The following SHANK2 variants were observed in gnomAD, a reference collection of about 807,000 sequenced individuals.
The protein encoded by SHANK2 is SH3 and multiple ankyrin repeat domains 2.
SHANK2 carries 43 observed loss-of-function variants against 133.7 expected under a neutral mutation model. The observed-to-expected ratio is 0.32, with a 90% confidence interval of 0.25 to 0.41. SHANK2 has a LOEUF of 0.41. SHANK2 is among the 10% of genes least tolerant of loss of function. The pLI is 1.00. For missense variants in SHANK2, 1,994 were observed against 2,235.8 expected (o/e 0.89, Z 2.18); for synonymous variants, 1,017 against 952.8 (o/e 1.07, Z -1.24).
chr11:70,675,352 A>G (rs1555016972), intron 15 of SHANK2, among the ~76,000 whole-genome samples: 3 of 152,196 alleles, frequency 2.0e-5, no homozygotes, highest in South Asian at 4.2e-4. Context: ...GAATCCTCAT[A>G]ATGACCGTAT....
intron 17 of SHANK2, among the ~76,000 whole-genome samples, chr11:70,550,309 C>T (rs1297593004): frequency 1.3e-5 from 2 of 152,130 alleles, no homozygotes; most frequent in Non-Finnish European, 2.9e-5. Flanking sequence ...CAGAGGAGAC[C>T]CTCCCTACCT....
chr11:70,877,254 C>T (rs1555071521), intron 11 of SHANK2, among the ~76,000 whole-genome samples: 1 of 152,210 alleles, frequency 6.6e-6, no homozygotes, highest in Non-Finnish European at 1.5e-5. Context: ...GTTCCGAGGG[C>T]CCCAGCCAGG....
intron 11 of SHANK2, chr11:70,872,878 A>C (rs1949492697): frequency 2.6e-6 from 1 of 388,174 alleles, no homozygotes; most frequent in African/African-American, 2.1e-5. Flanking sequence ...AAGGGACCCC[A>C]CGATGCCCTG....
rs76471201 is a variant in SHANK2 at position 70,948,275 on chromosome 11, G to A, written c.1108-51708C>T. The A allele has an allele frequency of 5.4e-3, 2,489 of 457,086 alleles. 46 individuals carry two copies. The highest frequency in any genetic ancestry group is 0.043 in the African/African-American group (2,135 of 50,162). The allele number at this position is 457,086 out of a possible 1,614,324, so 28.3% of individuals were successfully genotyped here. A position where few individuals can be genotyped will look rare whatever the true frequency, so the allele number is the denominator to read the frequency against. ...ATTTACCAACCCCGACATGTTGCAC[G>A]TTTCTCTGCTTACTTGTTAATTATC... On this transcript the variant is annotated intron_variant, in intron 10 of 25. Transcript: ENST00000601538.
intron 17 of SHANK2, among the ~76,000 whole-genome samples, chr11:70,536,306 T>A (rs2136001122): frequency 6.6e-6 from 1 of 152,312 alleles, no homozygotes; most frequent in South Asian, 2.1e-4. Flanking sequence ...TTGTTAAAGT[T>A]CAACTCCGTT....
intron 2 of SHANK2, among the ~76,000 whole-genome samples, chr11:71,167,545 A>ACC (rs1295812937): frequency 1.1e-5 from 1 of 88,240 alleles, no homozygotes. Context: ...CGGGGGGCTG[A>ACC]CCCCCCCACC....
intron 3 of SHANK2, among the ~76,000 whole-genome samples, chr11:71,120,385 A>C (rs1408959637): frequency 1.3e-5 from 2 of 152,208 alleles, no homozygotes; most frequent in Non-Finnish European, 2.9e-5. Context: ...TAAGACTCAA[A>C]CCAATTCTCT....
intron 9 of SHANK2, among the ~76,000 whole-genome samples, chr11:71,060,253 GC>G (rs1483422779): frequency 4.6e-5 from 7 of 152,180 alleles, no homozygotes; most frequent in Non-Finnish European, 8.8e-5. Context: ...TAATAGGACA[GC>G]CCCCCATGGC....
chr11:70,820,217 A>G, intron 12 of SHANK2, 147 bp downstream of exon 12: 1 of 560,764 alleles, frequency 1.8e-6, no homozygotes. Flanking sequence ...AGGGACAGTG[A>G]GCAAAACTCA....
Position 71,098,008 on chromosome 11 carries a change from A to T in SHANK2, c.593-3320T>A, listed in dbSNP as rs557301870. ...TGTGCATGTGCATGCCTGTGTGTGC[A>T]TGTGTGCCTATGTGTGTGCATGCCT... On this transcript the variant is annotated intron_variant, in intron 6 of 25. Coordinates refer to ENST00000601538, the MANE Select transcript of SHANK2 (RefSeq NM_012309.5). Among the ~76,000 whole-genome samples the T allele has an allele frequency of 1.2e-4, 17 of 139,490 alleles. No individual in the cohort carries two copies. In the South Asian group the frequency reaches 3.5e-3, roughly 28 times the overall value. The allele number at this position is 139,490 out of a possible 152,430, so 91.5% of individuals were successfully genotyped here.
rs181352056 is a variant in SHANK2 at position 70,653,341 on chromosome 11, G to A, written c.2061+6487C>T. Among the ~76,000 whole-genome samples the A allele has an allele frequency of 2.4e-4, 36 of 152,182 alleles. No homozygotes were observed. The East Asian group carries it at 6.0e-3, about 25-fold the overall frequency. On this transcript the variant is annotated intron_variant, in intron 17 of 25. Transcript: ENST00000601538. ...CTGTGGGGATTGACCCTTGAGCAGC[G>A]AGCTCTAACAACTGTTCTTCACACC...
At chr11:71,110,313 C>T (rs1490750620) in intron 5 of SHANK2, among the ~76,000 whole-genome samples, 1 of 152,154 alleles carries the variant, frequency 6.6e-6, no homozygotes, top group Non-Finnish European at 1.5e-5. Flanking sequence ...TGGCGGGCAC[C>T]TGTAGTCCCA....
chr11:70,671,466 G>C (rs78720779), intron 15 of SHANK2, among the ~76,000 whole-genome samples: 5,422 of 152,276 alleles, frequency 0.036, 342 homozygotes, highest in African/African-American at 0.12. Flanking sequence ...GAAGCTCCTT[G>C]TTTAAAAGGC....
Position 70,807,254 on chromosome 11 carries a change from T to C in SHANK2, c.1494-83A>G, listed in dbSNP as rs1948183239. On this transcript the variant is annotated intron_variant, in intron 12 of 25. Coordinates refer to ENST00000601538, the MANE Select transcript of SHANK2 (RefSeq NM_012309.5). The surrounding 1 kb of genome is among the most constrained non-coding windows in gnomAD (Gnocchi z 4.8). ...CATGCCACAAACCACAGCCAAGCCA[T>C]TCAACGCATGCTGCGCCTCGGCTGG... The C allele has an allele frequency of 4.4e-6, 3 of 681,188 alleles. No homozygotes were observed. The highest frequency in any genetic ancestry group is 8.0e-6 in the Non-Finnish European group (3 of 375,990). The allele number at this position is 681,188 out of a possible 1,614,324, so 42.2% of individuals were successfully genotyped here.
At chr11:70,899,066 A>G (rs1253653722) in intron 10 of SHANK2, among the ~76,000 whole-genome samples, 1 of 152,204 alleles carries the variant, frequency 6.6e-6, no homozygotes. Context: ...CTTGGTTTCA[A>G]CAGTTAGATG....
In SHANK2 at chr11:70,481,225, T is replaced by G. The variant is rs1383090548; in HGVS notation, c.4979+4089A>C. Among the ~76,000 whole-genome samples the G allele has an allele frequency of 2.6e-5, 4 of 152,268 alleles. No individual in the cohort carries two copies. The East Asian group carries it at 5.8e-4, about 22-fold the overall frequency. On this transcript the variant is annotated intron_variant, in intron 25 of 25. Coordinates refer to ENST00000601538, the MANE Select transcript of SHANK2 (RefSeq NM_012309.5). The stretch of plus-strand genomic sequence containing the variant: ...TGTACTTTTTTCTCTTTTAACATTA[T>G]GTACTAAAGAGAACTACTTCATCAT...
At chr11:70,640,889 A>T (rs1003332657) in intron 17 of SHANK2, among the ~76,000 whole-genome samples, 5 of 152,168 alleles carry the variant, frequency 3.3e-5, no homozygotes, top group Non-Finnish European at 5.9e-5. Flanking sequence ...CCATGAGTGC[A>T]GGCAATGAGC....
Position 70,661,500 on chromosome 11 carries a change from TACACACACACACACACACACAC to T in SHANK2, c.1936+74_1936+95del, listed in dbSNP as rs3837380. On this transcript the variant is annotated intron_variant, in intron 16 of 25. Coordinates refer to ENST00000601538, the MANE Select transcript of SHANK2 (RefSeq NM_012309.5). ...GGGGAACGTTTTTCATGCAGGCGTATACACACACACACACACACACACACACACACACACACACACACACACA... is the reference window on the plus strand; with the variant it reads ...GGGGAACGTTTTTCATGCAGGCGTATACACACACACACACACACACACACA... The T allele has an allele frequency of 7.5e-4, 795 of 1,063,904 alleles. 5 individuals are homozygous for T. The highest frequency in any genetic ancestry group is 5.0e-3 in the Middle Eastern group (22 of 4,426). 65.9% of individuals were successfully genotyped at this position (1,063,904 alleles called of 1,614,324 possible). A position where few individuals can be genotyped will look rare whatever the true frequency, so the allele number is the denominator to read the frequency against.
Position 70,516,217 on chromosome 11 carries a change from C to T in SHANK2, c.2062-13286G>A, listed in dbSNP as rs1422093643. 2.0e-5 allele frequency among the ~76,000 whole-genome samples: 3 copies of T among 152,218 alleles called. No individual in the cohort carries two copies. In the East Asian group the frequency reaches 5.8e-4, roughly 29 times the overall value. ...AAGTCACAGGGCTGACACTCCCCAA[C>T]TTCAAGAGTTACTATACAGCTACAG... is the stretch of plus-strand genomic sequence containing the variant. On this transcript the variant is annotated intron_variant, in intron 17 of 25. Coordinates refer to ENST00000601538, the MANE Select transcript of SHANK2 (RefSeq NM_012309.5).
Sources: gnomAD v4.1 joint callset for allele counts (sites outside exome capture counted in the v4.1 genomes callset) on GRCh38, gnomAD v4.1.1 for gene constraint, Gnocchi (gnomAD v3.1) non-coding constraint, MANE v1.5 for transcripts, NCBI Gene and HGNC (gene_info 2026-07-23, HGNC 2026-07-21) for gene names.